DCDC2: variants seen among roughly 807,000 people sequenced by gnomAD.
The protein encoded by DCDC2 is doublecortin domain containing 2.
A neutral mutation model predicts 50.2 loss-of-function variants in DCDC2; 40 were observed. The ratio of observed to expected loss-of-function variants is 0.80; its 90% CI spans 0.62 to 1.04. The LOEUF is 1.04. Among genes scored for constraint, DCDC2 ranks in the 50% least tolerant of loss-of-function variants. DCDC2 has a pLI of 0.00. For synonymous variants in DCDC2, 234 were observed against 210.6 expected, an observed-to-expected ratio of 1.11 and a Z score of -0.96; for missense variants, 570 against 581.9, an observed-to-expected ratio of 0.98 and a Z score of 0.21.
intron 7 of DCDC2, among the ~76,000 whole-genome samples, chr6:24,250,110 C>G (rs1175616804): frequency 6.6e-6 from 1 of 152,106 alleles, no homozygotes; most frequent in African/African-American, 2.4e-5. Flanking sequence ...AGCCTCCCTC[C>G]CCCATCCTCT....
At chr6:24,258,320 C>A (rs1404249427) in intron 7 of DCDC2, among the ~76,000 whole-genome samples, 1 of 152,164 alleles carries the variant, frequency 6.6e-6, no homozygotes, top group Admixed American at 6.5e-5. Flanking sequence ...CCGCCCACAT[C>A]CTGCTGATTG....
intron 2 of DCDC2, among the ~76,000 whole-genome samples, chr6:24,341,646 C>A (rs1202802251): frequency 6.6e-6 from 1 of 152,022 alleles, no homozygotes; most frequent in Non-Finnish European, 1.5e-5. Flanking sequence ...TTTCTGAGTT[C>A]GGTCATAGAT....
At chr6:24,222,279 G>T (rs879012415) in intron 7 of DCDC2, among the ~76,000 whole-genome samples, 1 of 152,016 alleles carries the variant, frequency 6.6e-6, no homozygotes, top group Admixed American at 6.5e-5. Context: ...AGACTTTGGA[G>T]AAAGAAAAAA....
intron 2 of DCDC2, among the ~76,000 whole-genome samples, chr6:24,306,543 T>TAGAGAGACAGAC (rs1209633765): frequency 9.5e-5 from 11 of 115,722 alleles, no homozygotes; most frequent in African/African-American, 3.4e-4. Context: ...GATAGATAGA[T>TAGAGAGACAGAC]AGACAGACAG....
At chr6:24,249,172 G>GAC in intron 7 of DCDC2, among the ~76,000 whole-genome samples, 1 of 125,440 alleles carries the variant, frequency 8.0e-6, no homozygotes, top group Non-Finnish European at 1.7e-5. Context: ...AGGAATTAGA[G>GAC]TGAAAGGCTC....
In DCDC2 at chr6:24,172,553, AAG is replaced by A. The variant is rs1342769050; in HGVS notation, c.*2175_*2176del. The A allele has an allele frequency of 6.6e-6, 1 of 152,182 alleles. No homozygotes were observed. The highest frequency in any genetic ancestry group is 1.9e-4 in the East Asian group (1 of 5,196). 9.4% of individuals were successfully genotyped at this position (152,182 alleles called of 1,614,324 possible). ...AGAAATATTTTTATTAGAGGAGGAAAAGAGAAAGAGAAACTCTCCATTGAAGA... is the reference window on the plus strand; with the variant it reads ...AGAAATATTTTTATTAGAGGAGGAAAAGAAAGAGAAACTCTCCATTGAAGA... On this transcript the variant is annotated 3_prime_UTR_variant, in exon 10 of 10. Coordinates refer to ENST00000378454, the MANE Select transcript of DCDC2 (RefSeq NM_016356.5).
At chr6:24,217,530 G>A (rs1476901342) in intron 7 of DCDC2, among the ~76,000 whole-genome samples, 3 of 152,192 alleles carry the variant, frequency 2.0e-5, no homozygotes, top group African/African-American at 7.2e-5. Flanking sequence ...GTGGTTTACG[G>A]TGTAAATGTG....
intron 8 of DCDC2, among the ~76,000 whole-genome samples, chr6:24,181,010 T>A (rs1415574069): frequency 6.6e-6 from 1 of 152,226 alleles, no homozygotes; most frequent in African/African-American, 2.4e-5. Flanking sequence ...AAACTAGTTG[T>A]TCTTAGATAC....
chr6:24,176,500 T>C (rs1340363009), intron 9 of DCDC2, among the ~76,000 whole-genome samples: 1 of 152,158 alleles, frequency 6.6e-6, no homozygotes, highest in African/African-American at 2.4e-5. Flanking sequence ...TTTGTCATAA[T>C]TGGCAAATAA....
In DCDC2 at chr6:24,325,846, C is replaced by G. The variant is rs955681526; in HGVS notation, c.349-23802G>C. 4.0e-5 allele frequency among the ~76,000 whole-genome samples: 6 copies of G among 148,614 alleles called. 1 individual carries two copies. The highest frequency in any genetic ancestry group is 1.5e-4 in the African/African-American group (6 of 41,124). On this transcript the variant is annotated intron_variant, in intron 2 of 9. Transcript: ENST00000378454. ...GAGAAATGAGTCACATTTATTTTAC[C>G]ATGTCTCTGGTTTTTAAATAAAATT... is the stretch of plus-strand genomic sequence containing the variant.
chr6:24,177,572 A>G (rs960748512), intron 9 of DCDC2, among the ~76,000 whole-genome samples: 3 of 152,190 alleles, frequency 2.0e-5, no homozygotes, highest in Non-Finnish European at 2.9e-5. Flanking sequence ...TGAGAATGTT[A>G]TGGAGAACAT....
intron 2 of DCDC2, among the ~76,000 whole-genome samples, chr6:24,315,662 G>A (rs1378347787): frequency 6.6e-6 from 1 of 152,146 alleles, no homozygotes; most frequent in Non-Finnish European, 1.5e-5. Context: ...AAAATACTTT[G>A]GGAGCAGAAA....
At position 24,300,368 on chromosome 6, in the gene DCDC2, C is replaced by A. The variant is rs546246277; in HGVS notation, c.557+1347G>T. Among the ~76,000 whole-genome samples, 3 of 152,210 alleles carry A rather than the reference C, an allele frequency of 2.0e-5. No homozygotes were observed. In the East Asian group the frequency reaches 5.8e-4, roughly 29 times the overall value. On this transcript the variant is annotated intron_variant, in intron 4 of 9. Transcript: ENST00000378454. ...TTGCACTCCAGCCTGGGTGACACAG[C>A]GAGACCCTGTCTCAAAAAAATGAAA...
At chr6:24,364,395 C>T in the DCDC2 span, among the ~76,000 whole-genome samples, 90 of 152,272 alleles carry the variant, frequency 5.9e-4, no homozygotes, top group Middle Eastern at 3.4e-3. Context: ...ACCTCAGCCT[C>T]CCAAGTAGGT....
the DCDC2 span, among the ~76,000 whole-genome samples, chr6:24,368,482 A>G: frequency 6.6e-6 from 1 of 152,226 alleles, no homozygotes; most frequent in East Asian, 1.9e-4. Context: ...CAAAGAAAAG[A>G]CAATTCAATT....
intron 7 of DCDC2, among the ~76,000 whole-genome samples, chr6:24,273,450 A>G (rs866940581): frequency 3.3e-5 from 5 of 152,146 alleles, no homozygotes; most frequent in South Asian, 2.1e-4. Flanking sequence ...AAAAAAGAAA[A>G]CCTGTATTTC....
intron 7 of DCDC2, among the ~76,000 whole-genome samples, chr6:24,263,641 AT>A (rs1763057449): frequency 1.3e-5 from 2 of 152,260 alleles, no homozygotes; most frequent in South Asian, 2.1e-4. Flanking sequence ...CAGAAAAAAA[AT>A]AATTAGCTTG....
intron 1 of DCDC2, among the ~76,000 whole-genome samples, chr6:24,356,749 T>A (rs538505852): frequency 2.0e-5 from 3 of 152,344 alleles, no homozygotes; most frequent in Non-Finnish European, 4.4e-5. Flanking sequence ...GCCTTGCTCA[T>A]CTTTGTTCCC....
At chr6:24,300,490 G>A (rs1466486495) in intron 4 of DCDC2, among the ~76,000 whole-genome samples, 1 of 152,192 alleles carries the variant, frequency 6.6e-6, no homozygotes, top group Non-Finnish European at 1.5e-5. Flanking sequence ...GCCTAAGATA[G>A]GAGAAATGCT....
Sources: allele counts gnomAD v4.1 joint callset (sites outside exome capture counted in the v4.1 genomes callset), GRCh38; gene constraint gnomAD v4.1.1; transcripts MANE v1.5; gene names NCBI Gene and HGNC (gene_info 2026-07-23, HGNC 2026-07-21).